The following PTPRN2 variants were observed in gnomAD, a reference collection of about 807,000 sequenced individuals.
The protein encoded by PTPRN2 is receptor-type tyrosine-protein phosphatase N2.
Under a neutral mutation model 118.8 loss-of-function variants are expected in PTPRN2, and 74 were observed. The observed-to-expected ratio is 0.62, with a 90% CI of 0.52 to 0.76. The LOEUF is 0.76. PTPRN2 is among the 30% of genes least tolerant of loss of function. The pLI, the probability that PTPRN2 is intolerant of heterozygous loss-of-function variation, is 0.00. For missense variants in PTPRN2, 1,481 were observed against 1,394.4 expected (o/e 1.06, Z -0.99); for synonymous variants, 641 against 608.0 (o/e 1.05, Z -0.80).
chr7:158,498,523 T>A (rs1221167364), intron 1 of PTPRN2, among the ~76,000 whole-genome samples: 3 of 124,798 alleles, frequency 2.4e-5, no homozygotes, highest in Non-Finnish European at 3.7e-5. Flanking sequence ...CAACTATATT[T>A]ATTCTAAATG....
At chr7:157,829,034 G>A (rs78497727) in intron 12 of PTPRN2, among the ~76,000 whole-genome samples, 1,603 of 152,378 alleles carry the variant, frequency 0.011, 37 homozygotes, top group African/African-American at 0.036. Flanking sequence ...AATTTCAAAT[G>A]CACTTGGAGT....
At chr7:157,752,932 A>G (rs1801566832) in intron 12 of PTPRN2, among the ~76,000 whole-genome samples, 1 of 151,100 alleles carries the variant, frequency 6.6e-6, no homozygotes, top group Middle Eastern at 3.4e-3. Context: ...GGCAGCACCC[A>G]CTCCTGCTGG....
chr7:157,645,546 CAA>C (rs1805009248), intron 14 of PTPRN2, among the ~76,000 whole-genome samples: 1 of 152,158 alleles, frequency 6.6e-6, no homozygotes, highest in Non-Finnish European at 1.5e-5. Context: ...TCTGGAGTGG[CAA>C]AAGTTTGAAA....
Position 157,615,070 on chromosome 7 carries a change from C to CTCA in PTPRN2, c.2344+6291_2344+6292insTGA, listed in dbSNP as rs1373330272. Among the ~76,000 whole-genome samples, 4 of 152,324 alleles carry CTCA rather than the reference C, an allele frequency of 2.6e-5. No individual in the cohort carries two copies. In the East Asian group the frequency reaches 7.7e-4, roughly 29 times the overall value. Reference sequence around the variant, plus strand: ...AGGCTAAAGTATTTGGACGTCATGACGCCTGATACTTACTTGAAGTCGTCC... The same window carrying CTCA: ...AGGCTAAAGTATTTGGACGTCATGACTCAGCCTGATACTTACTTGAAGTCGTCC... On this transcript the variant is annotated intron_variant, in intron 15 of 22. Transcript: ENST00000389418. This position sits in a 1 kb window ranked among gnomAD's most constrained non-coding sequence, Gnocchi z 4.3.
At chr7:158,119,144 C>A (rs751403254) in intron 9 of PTPRN2, among the ~76,000 whole-genome samples, 1 of 152,026 alleles carries the variant, frequency 6.6e-6, no homozygotes, top group Non-Finnish European at 1.5e-5. Flanking sequence ...ATGTACCTAG[C>A]GTGTATAGAG....
In PTPRN2 at chr7:157,780,347, C is replaced by T. The variant is rs769242774; in HGVS notation, c.1789-97410G>A. Among the ~76,000 whole-genome samples the T allele has an allele frequency of 6.6e-6, 1 of 152,188 alleles. No individual in the cohort carries two copies. The highest frequency in any genetic ancestry group is 1.5e-5 in the Non-Finnish European group (1 of 68,044). On this transcript the variant is annotated intron_variant, in intron 12 of 22. Transcript: ENST00000389418. This position sits in a 1 kb window ranked among gnomAD's most constrained non-coding sequence, Gnocchi z 4.5. ...CTGAAGGTGAAGCTTTAGGTGACGT[C>T]GAAGCATCCAGCCATATCTGTCAGT... is the stretch of plus-strand genomic sequence containing the variant.
chr7:157,577,795 G>A (rs123779), intron 18 of PTPRN2, among the ~76,000 whole-genome samples: 73,598 of 151,940 alleles, frequency 0.48, 18,062 homozygotes, highest in South Asian at 0.66. Flanking sequence ...ACGGGCATGC[G>A]GCCCTCGGGG....
Position 157,632,976 on chromosome 7 carries a change from G to A in PTPRN2, c.2197-11467C>T, listed in dbSNP as rs113042272. On this transcript the variant is annotated intron_variant, in intron 14 of 22. Coordinates refer to ENST00000389418, the MANE Select transcript of PTPRN2 (RefSeq NM_002847.5). The surrounding 1 kb of genome is among the most constrained non-coding windows in gnomAD (Gnocchi z 4.3). The stretch of plus-strand genomic sequence containing the variant: ...AGGGCTAAGAGCTGCTGTCATTTCT[G>A]TCGGATTCCTGCCGATGTTGTGGTG... Among the ~76,000 whole-genome samples, 1,366 of 152,234 alleles carry A rather than the reference G, an allele frequency of 9.0e-3. 8 individuals are homozygous for A. Among genetic ancestry groups the A allele is most frequent in the South Asian group, 0.022 (105 of 4,828 alleles).
intron 3 of PTPRN2, among the ~76,000 whole-genome samples, chr7:158,257,676 G>GA (rs887741431): frequency 1.3e-5 from 2 of 152,224 alleles, no homozygotes; most frequent in African/African-American, 4.8e-5. Context: ...CTGTACAAAG[G>GA]ATCCAACCCT....
intron 2 of PTPRN2, among the ~76,000 whole-genome samples, chr7:158,420,647 T>G (rs919119061): frequency 6.6e-6 from 1 of 152,244 alleles, no homozygotes; most frequent in Non-Finnish European, 1.5e-5. Flanking sequence ...CAAGCTGTCA[T>G]GGCTGTGAGC....
intron 12 of PTPRN2, among the ~76,000 whole-genome samples, chr7:157,879,678 C>T (rs964734014): frequency 1.3e-5 from 2 of 152,074 alleles, no homozygotes; most frequent in African/African-American, 4.8e-5. Flanking sequence ...CAGTGTGAAC[C>T]CCAGCATTGG....
At chr7:158,029,085 A>G (rs1807488772) in intron 11 of PTPRN2, 1 of 152,250 alleles carries the variant, frequency 6.6e-6, no homozygotes. Context: ...CTCTGGAGCA[A>G]AGAAGAACCC....
At chr7:157,989,155 T>C (rs1021168528) in intron 11 of PTPRN2, among the ~76,000 whole-genome samples, 17 of 152,212 alleles carry the variant, frequency 1.1e-4, no homozygotes, top group African/African-American at 4.1e-4. Context: ...CAGTGGTTCA[T>C]GCCTGTAATC....
chr7:158,331,491 ACC>A (rs1243970591), intron 2 of PTPRN2, among the ~76,000 whole-genome samples: 7 of 147,914 alleles, frequency 4.7e-5, no homozygotes, highest in African/African-American at 1.3e-4. Flanking sequence ...CCACACTCTC[ACC>A]ATACGAGCTG....
chr7:157,641,376 G>A (rs992214271), intron 14 of PTPRN2, among the ~76,000 whole-genome samples: 2 of 152,234 alleles, frequency 1.3e-5, no homozygotes, highest in Non-Finnish European at 2.9e-5. Context: ...CAAACACTGA[G>A]TGAGTGAGAG....
At chr7:157,669,257 C>T (rs976240791) in intron 13 of PTPRN2, among the ~76,000 whole-genome samples, 4 of 152,204 alleles carry the variant, frequency 2.6e-5, no homozygotes, top group East Asian at 1.9e-4. Flanking sequence ...GTCAGGGCCC[C>T]GGCAGCCGAG....
chr7:157,953,108 G>T lies in PTPRN2; in HGVS notation c.1724-54371C>A, dbSNP rs936674557. On this transcript the variant is annotated intron_variant, in intron 11 of 22. Coordinates refer to ENST00000389418, the MANE Select transcript of PTPRN2 (RefSeq NM_002847.5). This position sits in a 1 kb window ranked among gnomAD's most constrained non-coding sequence, Gnocchi z 4.6. The stretch of plus-strand genomic sequence containing the variant: ...TGCCAGGAACCACCGGACCCACGGG[G>T]TGAGCCCTCTGGCTCGAGAAGTCCT... Among the ~76,000 whole-genome samples the T allele has an allele frequency of 6.6e-6, 1 of 152,208 alleles. No individual in the cohort carries two copies. The highest frequency in any genetic ancestry group is 1.5e-5 in the Non-Finnish European group (1 of 68,042).
chr7:158,587,744 G>C lies in PTPRN2; in HGVS notation c.-75C>G. 11 of 1,087,588 alleles carry C rather than the reference G, an allele frequency of 1.0e-5. No homozygotes were observed. The highest frequency in any genetic ancestry group is 4.3e-5 in the South Asian group (1 of 23,014). The allele number at this position is 1,087,588 out of a possible 1,614,324, so 67.4% of individuals were successfully genotyped here. A position where few individuals can be genotyped will look rare whatever the true frequency, so the allele number is the denominator to read the frequency against. On this transcript the variant is annotated 5_prime_UTR_variant, in exon 1 of 23. Transcript: ENST00000389418. Reference sequence around the variant, plus strand: ...CGGGAGGCGGCCGAGTCCGGGCCCAGGGAGGCGCGCGCCGCCGGCTCCTCC... The same window carrying C: ...CGGGAGGCGGCCGAGTCCGGGCCCACGGAGGCGCGCGCCGCCGGCTCCTCC...
intron 3 of PTPRN2, among the ~76,000 whole-genome samples, chr7:158,227,526 G>A (rs1195049974): frequency 6.6e-6 from 1 of 152,168 alleles, no homozygotes; most frequent in Non-Finnish European, 1.5e-5. Context: ...CCCAGGTGGC[G>A]AGGAAGAAGT....
Sources: allele counts gnomAD v4.1 joint callset (sites outside exome capture counted in the v4.1 genomes callset), GRCh38; gene constraint gnomAD v4.1.1; non-coding constraint Gnocchi (gnomAD v3.1); transcripts MANE v1.5; gene names NCBI Gene and HGNC (gene_info 2026-07-23, HGNC 2026-07-21).